The following ANKRD44 variants were observed in gnomAD, a reference collection of about 807,000 sequenced individuals.
ANKRD44 encodes the protein serine/threonine-protein phosphatase 6 regulatory ankyrin repeat subunit B.
ANKRD44 carries 35 observed loss-of-function variants against 116.0 expected under a neutral mutation model. The ratio of observed to expected loss-of-function variants is 0.30; its 90% CI spans 0.23 to 0.40. The LOEUF (loss-of-function observed/expected upper bound fraction) is 0.40, where lower values mean the gene tolerates loss of function less well. ANKRD44 is among the 10% of genes least tolerant of loss of function. ANKRD44 has a pLI of 1.00. For missense variants in ANKRD44, 1,014 were observed against 1,242.6 expected (o/e 0.82, Z 2.77); for synonymous variants, 435 against 461.8 (o/e 0.94, Z 0.74).
chr2:197,067,089 C>G (rs1300739159), intron 16 of ANKRD44, among the ~76,000 whole-genome samples: 2 of 151,894 alleles, frequency 1.3e-5, no homozygotes, highest in East Asian at 1.9e-4. Context: ...AACAGAGATA[C>G]AGACCAATGG....
chr2:197,170,119 A>G (rs564125897), intron 2 of ANKRD44, among the ~76,000 whole-genome samples: 20 of 147,540 alleles, frequency 1.4e-4, no homozygotes, highest in African/African-American at 4.8e-4. Context: ...GAACCGAGGA[A>G]GTTGAGGCTG....
intron 26 of ANKRD44, 124 bp downstream of exon 26, chr2:196,995,255 C>A: frequency 1.8e-6 from 1 of 554,688 alleles, no homozygotes; most frequent in East Asian, 3.1e-5. Flanking sequence ...GCAGGGGAAG[C>A]CAGGACTGCA....
intron 2 of ANKRD44, among the ~76,000 whole-genome samples, chr2:197,154,834 A>G (rs2079767034): frequency 6.6e-6 from 1 of 152,130 alleles, no homozygotes; most frequent in Non-Finnish European, 1.5e-5. Context: ...CTGTCCCAAC[A>G]TGCTCCCACC....
chr2:197,108,087 C>T (rs2078475733), intron 9 of ANKRD44, among the ~76,000 whole-genome samples: 1 of 152,116 alleles, frequency 6.6e-6, no homozygotes, highest in African/African-American at 2.4e-5. Context: ...TTTTTTAAAA[C>T]ACCATTGGTT....
chr2:197,156,068 C>T (rs913143374), intron 2 of ANKRD44, among the ~76,000 whole-genome samples: 7 of 152,124 alleles, frequency 4.6e-5, no homozygotes, highest in African/African-American at 1.2e-4. Flanking sequence ...CTCACCGGGC[C>T]GGGCGTGGTG....
At chr2:197,039,029 G>A (rs1248901701) in intron 16 of ANKRD44, among the ~76,000 whole-genome samples, 3 of 152,140 alleles carry the variant, frequency 2.0e-5, no homozygotes, top group Non-Finnish European at 4.4e-5. Flanking sequence ...AGTAGTGGGA[G>A]AATTCCCAAA....
rs183434797 is a variant in ANKRD44 at position 197,021,728 on chromosome 2, C to T, written c.1722+3468G>A. Among the ~76,000 whole-genome samples the T allele has an allele frequency of 1.3e-3, 199 of 152,312 alleles. 1 individual carries two copies. Among genetic ancestry groups the T allele is most frequent in the African/African-American group, 4.7e-3 (195 of 41,580 alleles). ...TAAGTAAGTTTACAGAATATGTGAG[C>T]TGCACAATGAGAAAAATTTCTCTAA... On this transcript the variant is annotated intron_variant, in intron 17 of 27. Transcript: ENST00000282272.
At chr2:197,014,366 C>A (rs1251077612) in intron 17 of ANKRD44, among the ~76,000 whole-genome samples, 3 of 152,172 alleles carry the variant, frequency 2.0e-5, no homozygotes, top group African/African-American at 7.2e-5. Context: ...GTAGCTAGTG[C>A]CTCTTTTCTC....
intron 25 of ANKRD44, among the ~76,000 whole-genome samples, chr2:196,996,796 C>T (rs544283636): frequency 1.5e-4 from 22 of 147,054 alleles, no homozygotes; most frequent in Middle Eastern, 3.8e-3. Context: ...CCCAGCTACT[C>T]GGGTGGCTGA....
chr2:197,052,012 G>A (rs566038064), intron 16 of ANKRD44, among the ~76,000 whole-genome samples: 9 of 152,216 alleles, frequency 5.9e-5, no homozygotes, highest in East Asian at 3.9e-4. Flanking sequence ...GTTACCATCC[G>A]GGCAGTGCAG....
intron 17 of ANKRD44, among the ~76,000 whole-genome samples, chr2:197,014,079 T>C (rs1385868079): frequency 6.6e-6 from 1 of 152,240 alleles, no homozygotes; most frequent in African/African-American, 2.4e-5. Context: ...GTCCTAAACA[T>C]ATTGGCATAA....
chr2:197,178,822 G>C (rs1341486120), intron 2 of ANKRD44, among the ~76,000 whole-genome samples: 2 of 152,076 alleles, frequency 1.3e-5, no homozygotes, highest in Non-Finnish European at 2.9e-5. Flanking sequence ...TAAGAAATTA[G>C]GTAAGGATTC....
intron 1 of ANKRD44, among the ~76,000 whole-genome samples, chr2:197,305,357 G>T (rs1266551618): frequency 6.6e-6 from 1 of 151,988 alleles, no homozygotes; most frequent in African/African-American, 2.4e-5. Context: ...TTTCTTCGGG[G>T]GAAAAAAGGA....
intron 3 of ANKRD44, among the ~76,000 whole-genome samples, chr2:197,145,184 G>A (rs111867143): frequency 0.055 from 8,379 of 152,166 alleles, 452 homozygotes; most frequent in African/African-American, 0.13. Context: ...CCAGCTACTC[G>A]GAAGGCTGAG....
chr2:197,252,717 A>C lies in ANKRD44; in HGVS notation c.27+57861T>G, dbSNP rs186116868. 4.9e-4 allele frequency among the ~76,000 whole-genome samples: 75 copies of C among 152,312 alleles called. No individual in the cohort carries two copies. The East Asian group carries it at 0.012, about 25-fold the overall frequency. On this transcript the variant is annotated intron_variant, in intron 1 of 27. Coordinates refer to ENST00000282272, the MANE Select transcript of ANKRD44 (RefSeq NM_001195144.2). ...TTTTTAAATATTCCCCCAAGTGTTC[A>C]AATATTTTAGCTGCAAAATTCTCTT... is the stretch of plus-strand genomic sequence containing the variant.
intron 25 of ANKRD44, among the ~76,000 whole-genome samples, chr2:196,997,836 A>C (rs994260480): frequency 1.3e-5 from 2 of 152,060 alleles, no homozygotes; most frequent in African/African-American, 4.8e-5. Context: ...TTTTGCATTG[A>C]ACTGTACACC....
chr2:196,986,033 T>A (rs1232543546), downstream of ANKRD44, among the ~76,000 whole-genome samples: 2 of 152,250 alleles, frequency 1.3e-5, no homozygotes, highest in Non-Finnish European at 2.9e-5. Context: ...GTGGACTATA[T>A]AACTGATCAC....
chr2:197,106,411 G>T (rs2078428260), intron 9 of ANKRD44, among the ~76,000 whole-genome samples: 1 of 151,316 alleles, frequency 6.6e-6, no homozygotes, highest in Admixed American at 6.6e-5. Context: ...CACCACTGCA[G>T]TCCAGCCTGG....
intron 21 of ANKRD44, among the ~76,000 whole-genome samples, chr2:197,002,569 C>A (rs1168336318): frequency 6.6e-6 from 1 of 152,142 alleles, no homozygotes; most frequent in Non-Finnish European, 1.5e-5. Context: ...CCTGCCCTAC[C>A]TATGTCACAG....
Sources: allele counts gnomAD v4.1 joint callset (sites outside exome capture counted in the v4.1 genomes callset), GRCh38; gene constraint gnomAD v4.1.1; transcripts MANE v1.5; gene names NCBI Gene and HGNC (gene_info 2026-07-23, HGNC 2026-07-21).